Variants in TLN2 observed in about 807,000 individuals in gnomAD.
The protein encoded by TLN2 is talin 2.
Under a neutral mutation model 294.7 loss-of-function variants are expected in TLN2, and 118 were observed. The observed-to-expected ratio is 0.40, with a 90% CI of 0.34 to 0.47. The LOEUF (loss-of-function observed/expected upper bound fraction) is 0.47. Among genes scored for constraint, TLN2 ranks in the 20% least tolerant of loss-of-function variants. The pLI is 0.84. For synonymous variants in TLN2, 1,431 were observed against 1,304.5 expected (o/e 1.10, Z -2.09); for missense variants, 3,083 against 3,282.2 (o/e 0.94, Z 1.48).
chr15:62,432,715 C>G (rs989535614), intron 1 of TLN2, among the ~76,000 whole-genome samples: 3 of 152,152 alleles, frequency 2.0e-5, no homozygotes, highest in Non-Finnish European at 2.9e-5. Flanking sequence ...TTACTGTGTT[C>G]TTGGCAATAT....
rs1272646557 is a variant in TLN2, at chr15:62,809,911, C to T, written c.6664-14C>T. On this transcript the variant is annotated splice_polypyrimidine_tract_variant and intron_variant, in intron 51 of 58. Transcript: ENST00000636159. ...TTCCCATGTTAAGATTTCAGCATTC[C>T]TTTCTCTCTCCAGCAAGCATCCTTC... is the stretch of plus-strand genomic sequence containing the variant. 2 of 1,613,090 alleles carry T rather than the reference C, an allele frequency of 1.2e-6. No individual in the cohort carries two copies. Among genetic ancestry groups the T allele is most frequent in the Admixed American group, 3.3e-5 (2 of 59,970 alleles).
At chr15:62,746,192 GAATT>G (rs2061598967) in intron 32 of TLN2, among the ~76,000 whole-genome samples, 1 of 152,142 alleles carries the variant, frequency 6.6e-6, no homozygotes, top group African/African-American at 2.4e-5. Flanking sequence ...AACACAGAGA[GAATT>G]AAGCTAAATA....
At chr15:62,643,364 C>T (rs1282359873) in intron 3 of TLN2, among the ~76,000 whole-genome samples, 4 of 141,218 alleles carry the variant, frequency 2.8e-5, no homozygotes, top group Non-Finnish European at 4.5e-5. Context: ...GTCTTACACT[C>T]GTGTGCAGTG....
chr15:62,772,768 T>C (rs999629284), intron 42 of TLN2, among the ~76,000 whole-genome samples: 9 of 152,054 alleles, frequency 5.9e-5, no homozygotes, highest in African/African-American at 2.2e-4. Flanking sequence ...GTTCAAGTGA[T>C]TCTCCTGCCT....
intron 1 of TLN2, among the ~76,000 whole-genome samples, chr15:62,560,237 G>C (rs758456520): frequency 1.3e-5 from 2 of 152,082 alleles, no homozygotes; most frequent in Non-Finnish European, 2.9e-5. Flanking sequence ...CTAATACTCC[G>C]TGTTTTTTTG....
chr15:62,776,936 A>G, intron 43 of TLN2, 26 bp downstream of exon 43: 3 of 1,466,180 alleles, frequency 2.0e-6, no homozygotes, highest in Non-Finnish European at 2.7e-6. Context: ...AGGGCTCTCT[A>G]CTCCCTTATC....
intron 21 of TLN2, among the ~76,000 whole-genome samples, chr15:62,710,883 G>T (rs1264003292): frequency 6.6e-6 from 1 of 151,718 alleles, no homozygotes; most frequent in African/African-American, 2.4e-5. Flanking sequence ...CCACCACCAC[G>T]CCCGGCTAAT....
chr15:62,597,162 C>CTATT (rs1243496750), intron 2 of TLN2, among the ~76,000 whole-genome samples: 1 of 152,256 alleles, frequency 6.6e-6, no homozygotes, highest in East Asian at 1.9e-4. Context: ...CCTAGATACA[C>CTATT]TATTTGTTGT....
intron 45 of TLN2, among the ~76,000 whole-genome samples, chr15:62,791,436 AT>A (rs1443046890): frequency 6.6e-6 from 1 of 152,178 alleles, no homozygotes; most frequent in Non-Finnish European, 1.5e-5. Flanking sequence ...TACTAAATGG[AT>A]TTAAAAGTTC....
At chr15:62,709,189 A>G (rs2141122269) in intron 21 of TLN2, among the ~76,000 whole-genome samples, 1 of 152,324 alleles carries the variant, frequency 6.6e-6, no homozygotes, top group Admixed American at 6.5e-5. Context: ...CACATGCCGC[A>G]CAGGGTCATG....
At chr15:62,612,018 C>T (rs936855784) in intron 2 of TLN2, among the ~76,000 whole-genome samples, 2 of 152,166 alleles carry the variant, frequency 1.3e-5, no homozygotes, top group Admixed American at 6.5e-5. Context: ...CAATCCCTTT[C>T]CCCAACTTGA....
intron 1 of TLN2, among the ~76,000 whole-genome samples, chr15:62,393,294 C>A (rs768103188): frequency 1.3e-5 from 2 of 152,102 alleles, no homozygotes; most frequent in South Asian, 4.1e-4. Flanking sequence ...AAAGAGAAAG[C>A]GAACTTTTAA....
intron 1 of TLN2, chr15:62,561,605 T>C (rs2042962750): frequency 6.6e-6 from 1 of 152,216 alleles, no homozygotes; most frequent in Non-Finnish European, 1.5e-5. Context: ...ATTGCGAACA[T>C]TTCCAAGCAC....
rs2061050225 is a variant in TLN2, at chr15:62,736,930, C to T, written c.3411C>T (p.Ala1137=). The part of the protein sequence containing the change: ...AQALKTLAQA[A]RGVAASTTDP... ...CTCTGAAAACACTGGCCCAGGCCGCCCGTGGAGTGGCTGCATCGACAACCG... is the reference window on the plus strand; with the variant it reads ...CTCTGAAAACACTGGCCCAGGCCGCTCGTGGAGTGGCTGCATCGACAACCG... Residue 1137 remains alanine (A), a synonymous_variant, in exon 29 of 59, where the codon GCC becomes GCT. Transcript: ENST00000636159. 1 of 1,614,214 alleles carries T rather than the reference C, an allele frequency of 6.2e-7. No homozygotes were observed. Among genetic ancestry groups the T allele is most frequent in the East Asian group, 2.2e-5 (1 of 44,880 alleles).
chr15:62,480,512 A>G (rs1350376263), intron 1 of TLN2, among the ~76,000 whole-genome samples: 1 of 152,240 alleles, frequency 6.6e-6, no homozygotes, highest in African/African-American at 2.4e-5. Context: ...GGCGTGAGCC[A>G]CGGTGCCCGG....
rs565020118 is a variant in TLN2 at position 62,545,526 on chromosome 15, G to GTGTGTGTGTGTA, written c.-237-44150_-237-44149insATGTGTGTGTGT. Among the ~76,000 whole-genome samples the GTGTGTGTGTGTA allele has an allele frequency of 4.5e-3, 671 of 147,596 alleles. 4 individuals are homozygous for GTGTGTGTGTGTA. Among genetic ancestry groups the GTGTGTGTGTGTA allele is most frequent in the African/African-American group, 0.017 (637 of 37,554 alleles). On this transcript the variant is annotated intron_variant, in intron 1 of 58. Transcript: ENST00000636159. The stretch of plus-strand genomic sequence containing the variant: ...TCTTTCTTTCTCTTTGTGTGTGTGT[G>GTGTGTGTGTGTA]TGTGTGTGTGTGTGTGTGTCACTGT...
At chr15:62,665,925 C>T (rs1180620234) in intron 9 of TLN2, among the ~76,000 whole-genome samples, 1 of 152,186 alleles carries the variant, frequency 6.6e-6, no homozygotes, top group Non-Finnish European at 1.5e-5. Context: ...GTACTTCCTC[C>T]CAGTGAACTT....
chr15:62,662,591 A>T (rs1344905175), intron 9 of TLN2, among the ~76,000 whole-genome samples: 1 of 152,198 alleles, frequency 6.6e-6, no homozygotes, highest in Non-Finnish European at 1.5e-5. Context: ...TCATTTATTT[A>T]ACAAATAATT....
intron 20 of TLN2, among the ~76,000 whole-genome samples, chr15:62,707,876 C>T (rs1232303204): frequency 6.6e-6 from 1 of 151,996 alleles, no homozygotes; most frequent in African/African-American, 2.4e-5. Flanking sequence ...TTCATGTGTC[C>T]TCTCGGTGAT....
Sources: gnomAD v4.1 joint callset for allele counts (sites outside exome capture counted in the v4.1 genomes callset) on GRCh38, gnomAD v4.1.1 for gene constraint, MANE v1.5 for transcripts, NCBI Gene and HGNC (gene_info 2026-07-23, HGNC 2026-07-21) for gene names.